DCHS1: variants seen among roughly 807,000 people sequenced by gnomAD.
DCHS1 encodes dachsous cadherin-related 1, also known as protocadherin-16.
In DCHS1, 78 loss-of-function variants were observed where a neutral mutation model predicts 213.9. That is an observed-to-expected ratio of 0.36 (90% CI 0.30 to 0.44). The LOEUF (loss-of-function observed/expected upper bound fraction) is 0.44. Ranked by LOEUF, DCHS1 falls within the 20% of genes least tolerant of loss-of-function variation. The probability of loss-of-function intolerance (pLI) is 1.00; values close to 1 mark genes in which losing one functional copy is unlikely to be tolerated. For missense variants in DCHS1, 3,946 were observed against 4,395.9 expected, an observed-to-expected ratio of 0.90 and a Z score of 2.89; for synonymous variants, 1,828 against 1,873.7, an observed-to-expected ratio of 0.98 and a Z score of 0.63.
In DCHS1 at chr11:6,621,654, C is replaced by G. The variant is rs1374523701; in HGVS notation, c.*125G>C. The G allele has an allele frequency of 8.9e-7, 1 of 1,123,108 alleles. No homozygotes were observed. 69.6% of individuals were successfully genotyped at this position (1,123,108 alleles called of 1,614,324 possible). On this transcript the variant is annotated 3_prime_UTR_variant, in exon 21 of 21. Transcript: ENST00000299441. The stretch of plus-strand genomic sequence containing the variant: ...GGGCTGGGGAGTTCAGGGTGGAGAG[C>G]TGGGGCCTGGTGGTGGCCTCCCCGT...
In DCHS1 at chr11:6,627,305, G is replaced by A. The variant is rs537298642; in HGVS notation, c.5734C>T (p.Arg1912Cys). The A allele has an allele frequency of 1.2e-5, 19 of 1,611,934 alleles. No individual in the cohort carries two copies. Among genetic ancestry groups the A allele is most frequent in the South Asian group, 4.4e-5 (4 of 90,802 alleles). ...FLLEPSSGEL[R>C]TAAALDREQC... is the part of the protein sequence containing the mutation. ...TCTCTGTCCAAGGCTGCAGCTGTGC[G>A]CAGTTCTCCAGAGCTGGGCTCCAGC... Residue 1912 changes from arginine to cysteine, a missense_variant, in exon 14 of 21, where the codon CGC becomes TGC. This residue lies in a region of DCHS1 where 3,384 missense variants were observed against 3,780.1 expected (regional missense o/e 0.90). Transcript: ENST00000299441. This position sits in a 1 kb window ranked among gnomAD's most constrained non-coding sequence, Gnocchi z 5.4.
intron 1 of DCHS1, among the ~76,000 whole-genome samples, chr11:6,645,145 T>C (rs769081563): frequency 6.6e-6 from 1 of 152,234 alleles, no homozygotes. Flanking sequence ...CTCTCTTTCA[T>C]TAATTCCCAG....
At position 6,624,124 on chromosome 11, in the gene DCHS1, C is replaced by G. The variant is rs761220789; in HGVS notation, c.7552G>C (p.Val2518Leu). ...TTGCCACTGATGATGCTGTAGTCCA[C>G]AGCGGCATGGCTGCGGCTTCCATCA... ...DADGSRSHAAVDYSIISGNWG... is the reference protein window; with the variant it reads ...DADGSRSHAALDYSIISGNWG... The change falls in exon 21 of 21, where the codon GTG becomes CTG. Residue 2518 changes from valine (V) to leucine (L), a missense_variant. By Grantham distance (32) the Val-to-Leu change is conservative. Around this residue, in one of 3 missense-constraint regions of DCHS1, gnomAD observed 3,384 missense variants for 3,780.1 expected, o/e 0.90. Coordinates refer to ENST00000299441, the MANE Select transcript of DCHS1 (RefSeq NM_003737.4). The G allele has an allele frequency of 4.3e-6, 7 of 1,611,804 alleles. No individual in the cohort carries two copies. Among genetic ancestry groups the G allele is most frequent in the Non-Finnish European group, 5.9e-6 (7 of 1,179,054 alleles).
intron 5 of DCHS1, among the ~76,000 whole-genome samples, 154 bp from the exon 6 acceptor site, chr11:6,633,210 G>C (rs1312872439): frequency 1.3e-5 from 2 of 152,160 alleles, no homozygotes; most frequent in Non-Finnish European, 2.9e-5. Flanking sequence ...GAAGTTGGTT[G>C]GCACGCACTG....
chr11:6,643,346 C>G (rs1228812630), intron 1 of DCHS1, among the ~76,000 whole-genome samples: 2 of 152,208 alleles, frequency 1.3e-5, no homozygotes, highest in African/African-American at 2.4e-5. Context: ...ACTCTCCTCC[C>G]TCTACGCAGT....
At position 6,622,123 on chromosome 11, in the gene DCHS1, G is replaced by A. The variant is rs745894081; in HGVS notation, c.9553C>T (p.Arg3185Trp). Reference protein sequence around the residue: ...PLASVFTEIARLKDEARPCPP... With the variant: ...PLASVFTEIAWLKDEARPCPP... ...CATGGCCGAGCTTCATCCTTGAGCC[G>A]AGCGATCTCTGTGAAGACACTGGCC... The change falls in exon 21 of 21, where the codon CGG (arginine) becomes TGG (tryptophan). Residue 3185 changes from arginine to tryptophan, a missense_variant. By Grantham distance (101) the Arg-to-Trp change is moderately radical. This residue lies in a region of DCHS1 where 554 missense variants were observed against 590.2 expected (regional missense o/e 0.94). Coordinates refer to ENST00000299441, the MANE Select transcript of DCHS1 (RefSeq NM_003737.4). This position sits in a 1 kb window ranked among gnomAD's most constrained non-coding sequence, Gnocchi z 5.4. 1.9e-5 allele frequency: 30 copies of A among 1,612,908 alleles called. No individual in the cohort carries two copies. The highest frequency in any genetic ancestry group is 5.0e-5 in the Admixed American group (3 of 59,980).
At position 6,622,647 on chromosome 11, in the gene DCHS1, T is replaced by C. The variant is rs1232289738; in HGVS notation, c.9029A>G (p.Tyr3010Cys). 1 of 1,590,836 alleles carries C rather than the reference T, an allele frequency of 6.3e-7. No individual in the cohort carries two copies. Among genetic ancestry groups the C allele is most frequent in the African/African-American group, 1.3e-5 (1 of 74,640 alleles). ...EHLYHQTLPSYGGPGAGGPYP... is the reference protein window; with the variant it reads ...EHLYHQTLPSCGGPGAGGPYP... ...GGGTCCTCCAGCTCCTGGCCCACCA[T>C]AGCTGGGAAGAGTCTGGTGATAGAG... Residue 3010 changes from tyrosine to cysteine, a missense_variant, in exon 21 of 21, where the codon TAT (tyrosine) becomes TGT (cysteine). Transcript: ENST00000299441. This position sits in a 1 kb window ranked among gnomAD's most constrained non-coding sequence, Gnocchi z 5.4.
Position 6,622,888 on chromosome 11 carries a change from C to T in DCHS1, c.8788G>A (p.Ala2930Thr). 1 of 1,597,208 alleles carries T rather than the reference C, an allele frequency of 6.3e-7. No homozygotes were observed. Among genetic ancestry groups the T allele is most frequent in the Non-Finnish European group, 8.5e-7 (1 of 1,172,060 alleles). The change falls in exon 21 of 21, where the codon GCA (alanine) becomes ACA (threonine). Residue 2930 changes from alanine (A) to threonine (T), a missense_variant. Physicochemically the swap from Ala to Thr is moderately conservative, Grantham distance 58. Around this residue, in one of 3 missense-constraint regions of DCHS1, gnomAD observed 554 missense variants for 590.2 expected, o/e 0.94. Transcript: ENST00000299441. This position sits in a 1 kb window ranked among gnomAD's most constrained non-coding sequence, Gnocchi z 5.4. ...ACTAATAGCAGGTTGAGGTCAGGTG[C>T]CAGGCCCAGTGCGGTGTGGGTGATA... is the stretch of plus-strand genomic sequence containing the variant. ...VDITHTALGLAPDLNLLLVGA... is the reference protein window; with the variant it reads ...VDITHTALGLTPDLNLLLVGA...
In DCHS1 at chr11:6,625,343, G is replaced by C. The variant is rs753548138; in HGVS notation, c.7001C>G (p.Thr2334Arg). The C allele has an allele frequency of 6.2e-7, 1 of 1,613,626 alleles. No individual in the cohort carries two copies. Among genetic ancestry groups the C allele is most frequent in the Admixed American group, 1.7e-5 (1 of 59,984 alleles). ...ACACTGCTCAAAGTCCAGGGGCCCC[G>C]TGAGGGAGACACGGCCTCCATAGCG... ...VGRYGGRVSLTGPLDFEQCDR... is the reference protein window; with the variant it reads ...VGRYGGRVSLRGPLDFEQCDR... The change falls in exon 19 of 21, where the codon ACG becomes AGG. Residue 2334 changes from threonine (T) to arginine (R), a missense_variant. Physicochemically the swap from Thr to Arg is moderately conservative, Grantham distance 71 (BLOSUM62 -1). This residue lies in a region of DCHS1 where 3,384 missense variants were observed against 3,780.1 expected (regional missense o/e 0.90). Transcript: ENST00000299441. This position sits in a 1 kb window ranked among gnomAD's most constrained non-coding sequence, Gnocchi z 5.3.
At chr11:6,629,944 C>G in intron 10 of DCHS1, 33 bp from the exon 11 acceptor site, 7 of 1,604,852 alleles carry the variant, frequency 4.4e-6, no homozygotes, top group Non-Finnish European at 6.0e-6. Context: ...TGGTGGGGAC[C>G]CCAACACTCC....
Position 6,628,894 on chromosome 11 carries a change from A to G in DCHS1, c.5162-64T>C. Reference sequence around the variant, plus strand: ...CACCACATGGAGAAATCCACACCACACAGTGTTCATACATGTTCACTAGGT... The same window carrying G: ...CACCACATGGAGAAATCCACACCACGCAGTGTTCATACATGTTCACTAGGT... On this transcript the variant is annotated intron_variant, in intron 12 of 20. Coordinates refer to ENST00000299441, the MANE Select transcript of DCHS1 (RefSeq NM_003737.4). The surrounding 1 kb of genome is among the most constrained non-coding windows in gnomAD (Gnocchi z 4.3). 1 of 1,527,860 alleles carries G rather than the reference A, an allele frequency of 6.5e-7. No homozygotes were observed. Among genetic ancestry groups the G allele is most frequent in the South Asian group, 1.2e-5 (1 of 84,592 alleles). The allele number at this position is 1,527,860 out of a possible 1,614,324, so 94.6% of individuals were successfully genotyped here.
intron 6 of DCHS1, 91 bp downstream of exon 6, chr11:6,631,940 G>A (rs1315297013): frequency 2.8e-6 from 4 of 1,453,834 alleles, no homozygotes; most frequent in Non-Finnish European, 3.6e-6. Flanking sequence ...TCAGGGGCGA[G>A]ATGGGAGCTG....
rs547827281 is a variant in DCHS1 at position 6,631,779 on chromosome 11, C to T, written c.3512G>A (p.Arg1171His). 9.6e-6 allele frequency: 15 copies of T among 1,566,108 alleles called. No individual in the cohort carries two copies. Among genetic ancestry groups the T allele is most frequent in the South Asian group, 4.8e-5 (4 of 82,682 alleles). ...GEVTTLQTLD[R>H]EQQSSYQLLV... is the part of the protein sequence containing the mutation. Reference sequence around the variant, plus strand: ...GAGCTGATAGCTGCTCTGCTGCTCACGGTCCAGGGTTTGGAGTGTGGTCAC... The same window carrying T: ...GAGCTGATAGCTGCTCTGCTGCTCATGGTCCAGGGTTTGGAGTGTGGTCAC... The change falls in exon 7 of 21, where the codon CGT becomes CAT. Residue 1171 changes from arginine to histidine, a missense_variant. Physicochemically the swap from Arg to His is conservative, Grantham distance 29. Around this residue, in one of 3 missense-constraint regions of DCHS1, gnomAD observed 3,384 missense variants for 3,780.1 expected, o/e 0.90. Coordinates refer to ENST00000299441, the MANE Select transcript of DCHS1 (RefSeq NM_003737.4).
At position 6,624,815 on chromosome 11, in the gene DCHS1, G is replaced by A. The variant is rs1413722705; in HGVS notation, c.7200C>T (p.Ala2400=). The A allele has an allele frequency of 1.5e-5, 25 of 1,613,800 alleles. No individual in the cohort carries two copies. The highest frequency in any genetic ancestry group is 2.0e-5 in the Non-Finnish European group (24 of 1,179,858). ...CGTTGGCACCTGAGTCCCGATCAGTGGCAGAGACGGAGAGAATGGCACTGC... is the reference window on the plus strand; with the variant it reads ...CGTTGGCACCTGAGTCCCGATCAGTAGCAGAGACGGAGAGAATGGCACTGC... ...PPGSAILSVS[A]TDRDSGANGH... is the part of the protein sequence containing the mutation. The change falls in exon 20 of 21, where the codon GCC becomes GCT. Residue 2400 remains alanine, a synonymous_variant. Transcript: ENST00000299441.
chr11:6,646,169 C>G (rs1016125637), intron 1 of DCHS1, among the ~76,000 whole-genome samples: 1 of 152,026 alleles, frequency 6.6e-6, no homozygotes. Context: ...CACACACAGG[C>G]CCAGTGTCAC....
At chr11:6,624,996 A>G in intron 19 of DCHS1, 128 bp from the exon 20 acceptor site, 1 of 1,438,174 alleles carries the variant, frequency 7.0e-7, no homozygotes, top group Non-Finnish European at 9.4e-7. Flanking sequence ...CCTACTCCTA[A>G]GTATTCGAAT....
At position 6,632,190 on chromosome 11, in the gene DCHS1, C is replaced by A. The variant is rs1288679790; in HGVS notation, c.3322G>T (p.Asp1108Tyr). The A allele has an allele frequency of 6.2e-7, 1 of 1,602,208 alleles. No homozygotes were observed. The highest frequency in any genetic ancestry group is 1.7e-5 in the Admixed American group (1 of 59,656). The change falls in exon 6 of 21, where the codon GAT becomes TAT. Residue 1108 changes from aspartate to tyrosine, a missense_variant. Physicochemically the swap from Asp to Tyr is radical, Grantham distance 160. Coordinates refer to ENST00000299441, the MANE Select transcript of DCHS1 (RefSeq NM_003737.4). This position sits in a 1 kb window ranked among gnomAD's most constrained non-coding sequence, Gnocchi z 5.9. ...QNEHSPRLSE[D>Y]PTFLAVAENQ... ...TCAGCCACAGCCAGGAAGGTGGGAT[C>A]CTCAGACAAGCGGGGACTGTGTTCA...
At position 6,621,730 on chromosome 11, in the gene DCHS1, G is replaced by A. The variant is rs777150562; in HGVS notation, c.*49C>T. 44 of 1,539,798 alleles carry A rather than the reference G, an allele frequency of 2.9e-5. No homozygotes were observed. The highest frequency in any genetic ancestry group is 4.1e-5 in the African/African-American group (3 of 73,090). On this transcript the variant is annotated 3_prime_UTR_variant, in exon 21 of 21. Transcript: ENST00000299441. ...AGGGCAGGCTCAGAGTGGGGCCTGC[G>A]TTGGGGACACTGTGCGCATCCCAGG...
In DCHS1 at chr11:6,629,772, C is replaced by G; in HGVS notation, c.4935G>C (p.Glu1645Asp). The G allele has an allele frequency of 6.2e-7, 1 of 1,613,732 alleles. No homozygotes were observed. Among genetic ancestry groups the G allele is most frequent in the Non-Finnish European group, 8.5e-7 (1 of 1,179,898 alleles). The change falls in exon 11 of 21, where the codon GAG becomes GAC. Residue 1645 changes from glutamate to aspartate, a missense_variant. Around this residue, in one of 3 missense-constraint regions of DCHS1, gnomAD observed 3,384 missense variants for 3,780.1 expected, o/e 0.90. Transcript: ENST00000299441. ...LTVSVADVND[E>D]APTFQQQEYS... is the part of the protein sequence containing the mutation. ...ACTCCTGCTGCTGGAAAGTAGGCGC[C>G]TCGTCGTTGACGTCAGCGACACTGA...
Sources: gnomAD v4.1 joint callset for allele counts (sites outside exome capture counted in the v4.1 genomes callset) on GRCh38, gnomAD v4.1.1 for gene constraint, gnomAD v4.1.1 regional missense constraint, Gnocchi (gnomAD v3.1) non-coding constraint, MANE v1.5 for transcripts, NCBI Gene and HGNC (gene_info 2026-07-23, HGNC 2026-07-21) for gene names.